The following NDUFAF2 variants were observed in gnomAD, a reference collection of about 807,000 sequenced individuals.
NDUFAF2 encodes the protein NADH dehydrogenase [ubiquinone] 1 alpha subcomplex assembly factor 2.
A neutral mutation model predicts 22.8 loss-of-function variants in NDUFAF2; 13 were observed. That is an observed-to-expected ratio of 0.57 (90% CI 0.37 to 0.91). The LOEUF (loss-of-function observed/expected upper bound fraction) is 0.91. Among genes scored for constraint, NDUFAF2 ranks in the 40% least tolerant of loss-of-function variants. The pLI, the probability that NDUFAF2 is intolerant of heterozygous loss-of-function variation, is 0.01. For missense variants in NDUFAF2, 162 were observed against 195.2 expected, an observed-to-expected ratio of 0.83 and a Z score of 1.01; for synonymous variants, 53 against 64.2, an observed-to-expected ratio of 0.83 and a Z score of 0.84.
intron 1 of NDUFAF2, among the ~76,000 whole-genome samples, chr5:61,040,999 A>G (rs1449588636): frequency 6.6e-6 from 1 of 152,180 alleles, no homozygotes; most frequent in African/African-American, 2.4e-5. Context: ...ATTTTGCTCC[A>G]ATATTATAGA....
At chr5:61,129,563 G>A (rs1367421731) in intron 3 of NDUFAF2, among the ~76,000 whole-genome samples, 2 of 148,290 alleles carry the variant, frequency 1.3e-5, no homozygotes, top group South Asian at 2.2e-4. Flanking sequence ...AACACCACAT[G>A]TTCTCACTCA....
chr5:61,125,759 A>C (rs186532059), intron 3 of NDUFAF2, among the ~76,000 whole-genome samples: 1 of 152,210 alleles, frequency 6.6e-6, no homozygotes, highest in Admixed American at 6.6e-5. Context: ...TGACAGTGTT[A>C]TATATTTAAA....
chr5:61,120,148 C>A (rs1465730137), intron 3 of NDUFAF2, among the ~76,000 whole-genome samples: 1 of 151,960 alleles, frequency 6.6e-6, no homozygotes, highest in Non-Finnish European at 1.5e-5. Flanking sequence ...ACATGGAGAC[C>A]GCTTTTCTCT....
At chr5:61,037,294 T>C (rs189787806) in intron 1 of NDUFAF2, among the ~76,000 whole-genome samples, 1 of 152,266 alleles carries the variant, frequency 6.6e-6, no homozygotes, top group Non-Finnish European at 1.5e-5. Context: ...AAACTTAAAC[T>C]TGGTTATAAA....
intron 1 of NDUFAF2, among the ~76,000 whole-genome samples, chr5:61,039,741 A>C (rs1751848182): frequency 6.6e-6 from 1 of 152,216 alleles, no homozygotes; most frequent in African/African-American, 2.4e-5. Flanking sequence ...AATTATGCTT[A>C]GTAAGAACCA....
chr5:61,107,667 A>G (rs1217761268), intron 3 of NDUFAF2, among the ~76,000 whole-genome samples: 1 of 148,996 alleles, frequency 6.7e-6, no homozygotes, highest in African/African-American at 2.5e-5. Context: ...TATGATTACT[A>G]TTATTATTAT....
chr5:60,974,604 C>G (rs372779533), intron 1 of NDUFAF2, among the ~76,000 whole-genome samples: 1 of 151,928 alleles, frequency 6.6e-6, no homozygotes, highest in Non-Finnish European at 1.5e-5. Flanking sequence ...CCACCCTCCT[C>G]GCATCCCAAA....
chr5:61,143,103 C>T (rs1001606751), intron 3 of NDUFAF2, among the ~76,000 whole-genome samples: 7 of 152,080 alleles, frequency 4.6e-5, no homozygotes, highest in Non-Finnish European at 8.8e-5. Flanking sequence ...CGTTTTGAAA[C>T]AACAAATTCC....
chr5:60,945,586 C>T (rs1053197511), intron 1 of NDUFAF2, among the ~76,000 whole-genome samples: 22 of 152,224 alleles, frequency 1.4e-4, no homozygotes, highest in Admixed American at 6.5e-4. Context: ...GCGCCTTGGC[C>T]CGGCCTCGTG....
chr5:61,055,952 A>G (rs1296631796), intron 1 of NDUFAF2, among the ~76,000 whole-genome samples: 1 of 152,220 alleles, frequency 6.6e-6, no homozygotes, highest in East Asian at 1.9e-4. Flanking sequence ...AATATCATAT[A>G]CATAATGCTC....
intron 2 of NDUFAF2, among the ~76,000 whole-genome samples, chr5:61,087,384 C>A (rs765075201): frequency 3.9e-5 from 6 of 152,054 alleles, no homozygotes; most frequent in Non-Finnish European, 8.8e-5. Flanking sequence ...CCGAAGCAGA[C>A]TAAGACAATA....
chr5:61,080,120 A>G (rs556988731), intron 2 of NDUFAF2, among the ~76,000 whole-genome samples: 82 of 152,192 alleles, frequency 5.4e-4, no homozygotes, highest in African/African-American at 1.8e-3. Flanking sequence ...TGAATCAGTA[A>G]GTTTATTCCT....
At chr5:61,023,695 T>C (rs931795695) in intron 1 of NDUFAF2, among the ~76,000 whole-genome samples, 7 of 152,206 alleles carry the variant, frequency 4.6e-5, no homozygotes, top group Non-Finnish European at 8.8e-5. Flanking sequence ...TATGTTTTAG[T>C]GGTGACTGTT....
At chr5:61,091,768 G>T (rs938002696) in intron 2 of NDUFAF2, among the ~76,000 whole-genome samples, 3 of 152,000 alleles carry the variant, frequency 2.0e-5, no homozygotes, top group Non-Finnish European at 4.4e-5. Context: ...TGAAATTTTT[G>T]CCCATTTCTA....
At chr5:61,144,070 A>G (rs1741096540) in intron 3 of NDUFAF2, among the ~76,000 whole-genome samples, 1 of 151,428 alleles carries the variant, frequency 6.6e-6, no homozygotes, top group South Asian at 2.1e-4. Context: ...CTAATTCCCT[A>G]ATAAAGGGCT....
chr5:61,021,112 C>T (rs1751578394), intron 1 of NDUFAF2, among the ~76,000 whole-genome samples: 2 of 151,152 alleles, frequency 1.3e-5, no homozygotes, highest in Admixed American at 6.6e-5. Flanking sequence ...TATTAGTTTC[C>T]TATTGCTGCT....
At chr5:61,147,668 T>G (rs912577139) in intron 3 of NDUFAF2, among the ~76,000 whole-genome samples, 1 of 152,112 alleles carries the variant, frequency 6.6e-6, no homozygotes, top group African/African-American at 2.4e-5. Context: ...AACTGTACTT[T>G]CCAATATAGT....
At chr5:61,047,300 A>G (rs1360399472) in intron 1 of NDUFAF2, among the ~76,000 whole-genome samples, 1 of 152,094 alleles carries the variant, frequency 6.6e-6, no homozygotes, top group Non-Finnish European at 1.5e-5. Context: ...TATTATCCCT[A>G]CTTTTTATAT....
intron 3 of NDUFAF2, among the ~76,000 whole-genome samples, chr5:61,100,826 G>A (rs528860263): frequency 6.6e-6 from 1 of 152,168 alleles, no homozygotes; most frequent in African/African-American, 2.4e-5. Flanking sequence ...CAAGAGAGTG[G>A]AGGACCTTTG....
Sources: allele counts gnomAD v4.1 joint callset (sites outside exome capture counted in the v4.1 genomes callset), GRCh38; gene constraint gnomAD v4.1.1; transcripts MANE v1.5; gene names NCBI Gene and HGNC (gene_info 2026-07-23, HGNC 2026-07-21).